MYOD1: variants seen among roughly 807,000 people sequenced by gnomAD.
The protein encoded by MYOD1 is myogenic differentiation 1.
Under a neutral mutation model 14.9 loss-of-function variants are expected in MYOD1, and 15 were observed. That is an observed-to-expected ratio of 1.01 (90% CI 0.67 to 1.55). The LOEUF (loss-of-function observed/expected upper bound fraction) is 1.55. MYOD1 is among the 40% of genes most tolerant of loss of function. MYOD1 has a pLI of 0.00. For missense variants in MYOD1, 529 were observed against 482.6 expected (o/e 1.10, Z -0.90); for synonymous variants, 235 against 218.6 (o/e 1.07, Z -0.66).
Position 17,720,373 on chromosome 11 carries a change from C to A in MYOD1, c.591C>A (p.Ser197=), listed in dbSNP as rs1253160160. 5 of 1,560,352 alleles carry A rather than the reference C, an allele frequency of 3.2e-6. No homozygotes were observed. The highest frequency in any genetic ancestry group is 4.3e-6 in the Non-Finnish European group (5 of 1,162,096). ...GRGGEHYSGD[S]DASSPRSNCS... ...GCGGCGAGCACTACAGCGGCGACTC[C>A]GACGCGTCCAGCCCGCGCTCCAACT... is the stretch of plus-strand genomic sequence containing the variant. Residue 197 remains serine, a synonymous_variant, in exon 1 of 3, where the codon TCC becomes TCA. Transcript: ENST00000250003.
rs968983957 is a variant in MYOD1 at position 17,719,608 on chromosome 11, C to G, written c.-175C>G. ...GCCCTGGGGCGCTGCCGCCGCTTTC[C>G]TTAACCACAAATCAGGCCGGACAGG... On this transcript the variant is annotated 5_prime_UTR_variant, in exon 1 of 3. Coordinates refer to ENST00000250003, the MANE Select transcript of MYOD1 (RefSeq NM_002478.5). 5 of 847,472 alleles carry G rather than the reference C, an allele frequency of 5.9e-6. No homozygotes were observed. Among genetic ancestry groups the G allele is most frequent in the Admixed American group, 6.1e-5 (2 of 32,550 alleles). The allele number at this position is 847,472 out of a possible 1,614,324, so 52.5% of individuals were successfully genotyped here. A position where few individuals can be genotyped will look rare whatever the true frequency, so the allele number is the denominator to read the frequency against.
intron 1 of MYOD1, among the ~76,000 whole-genome samples, chr11:17,720,694 G>T (rs577315763): frequency 7.2e-5 from 11 of 152,252 alleles, no homozygotes; most frequent in Non-Finnish European, 7.3e-5. Flanking sequence ...GTAAATTTGC[G>T]CCCCTTGGTG....
In MYOD1 at chr11:17,719,773, CCGCCAGG is replaced by C; in HGVS notation, c.-9_-3del. ...GCGAAGCCAGGACCGTGCCGCGCCA[CCGCCAGG>C]ATATGGAGCTACTGTCGCCACCGCT... On this transcript the variant is annotated 5_prime_UTR_variant, in exon 1 of 3. Coordinates refer to ENST00000250003, the MANE Select transcript of MYOD1 (RefSeq NM_002478.5). The C allele has an allele frequency of 2.5e-6, 4 of 1,607,714 alleles. No individual in the cohort carries two copies. The highest frequency in any genetic ancestry group is 3.4e-6 in the Non-Finnish European group (4 of 1,176,708).
At position 17,720,035 on chromosome 11, in the gene MYOD1, A is replaced by G. The variant is rs1590083996; in HGVS notation, c.253A>G (p.Ser85Gly). 1.3e-6 allele frequency: 2 copies of G among 1,581,260 alleles called. No individual in the cohort carries two copies. The highest frequency in any genetic ancestry group is 1.7e-6 in the Non-Finnish European group (2 of 1,164,022). The change falls in exon 1 of 3, where the codon AGC becomes GGC. Residue 85 changes from serine to glycine, a missense_variant. Transcript: ENST00000250003. ...TGAGGACGAGCATGTGCGCGCGCCC[A>G]GCGGGCACCACCAGGCGGGCCGCTG... ...AREDEHVRAPSGHHQAGRCLL... is the reference protein window; with the variant it reads ...AREDEHVRAPGGHHQAGRCLL...
chr11:17,721,928 T>G lies in MYOD1; in HGVS notation c.*420T>G. ...TAACCGTAACCCACCCCCAACCCGT[T>G]TCCCGGTTCAGGACCACTTTTTGTA... On this transcript the variant is annotated 3_prime_UTR_variant, in exon 3 of 3. Transcript: ENST00000250003. This position sits in a 1 kb window ranked among gnomAD's most constrained non-coding sequence, Gnocchi z 6.2. The G allele has an allele frequency of 2.4e-5, 6 of 252,788 alleles. No homozygotes were observed. Among genetic ancestry groups the G allele is most frequent in the Non-Finnish European group, 4.5e-5 (6 of 132,334 alleles). 15.7% of individuals were successfully genotyped at this position (252,788 alleles called of 1,614,324 possible).
Position 17,721,530 on chromosome 11 carries a change from G to T in MYOD1, c.*22G>T. On this transcript the variant is annotated 3_prime_UTR_variant, in exon 3 of 3. Coordinates refer to ENST00000250003, the MANE Select transcript of MYOD1 (RefSeq NM_002478.5). The surrounding 1 kb of genome is among the most constrained non-coding windows in gnomAD (Gnocchi z 6.2). ...CTGAGGGGATGGTGGCCGCCCACCC[G>T]CCCGAGGGATGGTGCCCCTAGGGTC... 2 of 1,497,584 alleles carry T rather than the reference G, an allele frequency of 1.3e-6. No homozygotes were observed. Among genetic ancestry groups the T allele is most frequent in the Non-Finnish European group, 1.8e-6 (2 of 1,129,386 alleles). The allele number at this position is 1,497,584 out of a possible 1,614,324, so 92.8% of individuals were successfully genotyped here. A position where few individuals can be genotyped will look rare whatever the true frequency, so the allele number is the denominator to read the frequency against.
chr11:17,722,122 C>A lies in MYOD1; in HGVS notation c.*614C>A, dbSNP rs118140038. 3.9e-3 allele frequency: 720 copies of A among 182,284 alleles called. 8 individuals carry two copies. Among genetic ancestry groups the A allele is most frequent in the East Asian group, 0.028 (311 of 11,124 alleles). 11.3% of individuals were successfully genotyped at this position (182,284 alleles called of 1,614,324 possible). On this transcript the variant is annotated 3_prime_UTR_variant, in exon 3 of 3. Coordinates refer to ENST00000250003, the MANE Select transcript of MYOD1 (RefSeq NM_002478.5). ...CGCTCAGGTGATCAAAATAAAGGCG[C>A]TAATTTATACCGCCGTGGCTCCGGC...
At position 17,721,118 on chromosome 11, in the gene MYOD1, T is replaced by C. The variant is rs553268835; in HGVS notation, c.710-137T>C. 7 of 1,419,090 alleles carry C rather than the reference T, an allele frequency of 4.9e-6. No homozygotes were observed. The highest frequency in any genetic ancestry group is 6.5e-6 in the Non-Finnish European group (7 of 1,072,848). 87.9% of individuals were successfully genotyped at this position (1,419,090 alleles called of 1,614,324 possible). A position where few individuals can be genotyped will look rare whatever the true frequency, so the allele number is the denominator to read the frequency against. On this transcript the variant is annotated intron_variant, in intron 2 of 2. Coordinates refer to ENST00000250003, the MANE Select transcript of MYOD1 (RefSeq NM_002478.5). The surrounding 1 kb of genome is among the most constrained non-coding windows in gnomAD (Gnocchi z 6.2). Reference sequence around the variant, plus strand: ...TGCAGGAGATGAAATACTAAGCAAGTAGCTCCCTGTCTTTTGGATTGTCCC... The same window carrying C: ...TGCAGGAGATGAAATACTAAGCAAGCAGCTCCCTGTCTTTTGGATTGTCCC...
chr11:17,720,327 G>A lies in MYOD1; in HGVS notation c.545G>A (p.Gly182Asp). 3 of 1,560,416 alleles carry A rather than the reference G, an allele frequency of 1.9e-6. No homozygotes were observed. The highest frequency in any genetic ancestry group is 2.6e-6 in the Non-Finnish European group (3 of 1,161,340). Residue 182 changes from glycine (G) to aspartate (D), a missense_variant, in exon 1 of 3, where the codon GGC (glycine) becomes GAC (aspartate). Gly to Asp is a moderately conservative substitution (Grantham distance 94). Transcript: ENST00000250003. ...GCCGCAGCCGCCTTCTATGCGCCGG[G>A]CCCGCTGCCCCCGGGCCGCGGCGGC... Reference protein sequence around the residue: ...PGAAAAFYAPGPLPPGRGGEH... With the variant: ...PGAAAAFYAPDPLPPGRGGEH...
In MYOD1 at chr11:17,721,693, C is replaced by A. The variant is rs1848640431; in HGVS notation, c.*185C>A. On this transcript the variant is annotated 3_prime_UTR_variant, in exon 3 of 3. Coordinates refer to ENST00000250003, the MANE Select transcript of MYOD1 (RefSeq NM_002478.5). This position sits in a 1 kb window ranked among gnomAD's most constrained non-coding sequence, Gnocchi z 6.2. ...GGGCAAGGACACAGCGCGGTTTTTT[C>A]CACGCAGCACCCTTCTCGGAGACCC... The A allele has an allele frequency of 3.3e-6, 2 of 597,472 alleles. No individual in the cohort carries two copies. The highest frequency in any genetic ancestry group is 2.0e-5 in the African/African-American group (1 of 51,238). 37.0% of individuals were successfully genotyped at this position (597,472 alleles called of 1,614,324 possible). A position where few individuals can be genotyped will look rare whatever the true frequency, so the allele number is the denominator to read the frequency against.
In MYOD1 at chr11:17,720,417, G is replaced by A. The variant is rs774941414; in HGVS notation, c.630+5G>A. On this transcript the variant is annotated splice_donor_5th_base_variant and intron_variant, in intron 1 of 2. Coordinates refer to ENST00000250003, the MANE Select transcript of MYOD1 (RefSeq NM_002478.5). Reference sequence around the variant, plus strand: ...TCCAACTGCTCCGACGGCATGGTAAGGCCGGGACCCCAGGAAGTGAGGAAG... The same window carrying A: ...TCCAACTGCTCCGACGGCATGGTAAAGCCGGGACCCCAGGAAGTGAGGAAG... 3.9e-6 allele frequency: 6 copies of A among 1,556,386 alleles called. No individual in the cohort carries two copies. The highest frequency in any genetic ancestry group is 1.2e-5 in the South Asian group (1 of 84,490).
chr11:17,720,351 G>T lies in MYOD1; in HGVS notation c.569G>T (p.Gly190Val). ...APGPLPPGRG[G>V]EHYSGDSDAS... is the part of the protein sequence containing the mutation. ...GGCCCGCTGCCCCCGGGCCGCGGCG[G>T]CGAGCACTACAGCGGCGACTCCGAC... Residue 190 changes from glycine (G) to valine (V), a missense_variant, in exon 1 of 3, where the codon GGC becomes GTC. By Grantham distance (109) the Gly-to-Val change is moderately radical. Coordinates refer to ENST00000250003, the MANE Select transcript of MYOD1 (RefSeq NM_002478.5). 6.5e-7 allele frequency: 1 copy of T among 1,539,056 alleles called. No homozygotes were observed. The highest frequency in any genetic ancestry group is 8.7e-7 in the Non-Finnish European group (1 of 1,152,482).
chr11:17,719,725 C>T lies in MYOD1; in HGVS notation c.-58C>T. On this transcript the variant is annotated 5_prime_UTR_variant, in exon 1 of 3. Transcript: ENST00000250003. ...GCTCCCGAGCGGCAGAAAGTTCCGG[C>T]CACTCTCTGCCGCTTGGGTTGGGCG... is the stretch of plus-strand genomic sequence containing the variant. The T allele has an allele frequency of 1.3e-6, 2 of 1,542,328 alleles. No individual in the cohort carries two copies. The highest frequency in any genetic ancestry group is 2.7e-5 in the African/African-American group (2 of 72,782).
In MYOD1 at chr11:17,719,945, G is replaced by A; in HGVS notation, c.163G>A (p.Ala55Thr). 4 of 1,613,672 alleles carry A rather than the reference G, an allele frequency of 2.5e-6. No individual in the cohort carries two copies. The highest frequency in any genetic ancestry group is 3.4e-6 in the Non-Finnish European group (4 of 1,179,950). ...GGACCCGCGCCTGATGCACGTGGGC[G>A]CGCTCCTGAAACCCGAAGAGCACTC... ...DLDPRLMHVG[A>T]LLKPEEHSHF... Residue 55 changes from alanine (A) to threonine (T), a missense_variant, in exon 1 of 3, where the codon GCG becomes ACG. By Grantham distance (58) the Ala-to-Thr change is moderately conservative. Transcript: ENST00000250003.
chr11:17,719,903 C>G lies in MYOD1; in HGVS notation c.121C>G (p.Arg41Gly). 1 of 1,613,964 alleles carries G rather than the reference C, an allele frequency of 6.2e-7. No homozygotes were observed. The highest frequency in any genetic ancestry group is 8.5e-7 in the Non-Finnish European group (1 of 1,179,994). The change falls in exon 1 of 3, where the codon CGC (arginine) becomes GGC (glycine). Residue 41 changes from arginine (R) to glycine (G), a missense_variant. Arg to Gly is a moderately radical substitution (Grantham distance 125). Transcript: ENST00000250003. ...CCCGTGTTTCGACTCCCCGGACCTG[C>G]GCTTCTTCGAAGACCTGGACCCGCG... Reference protein sequence around the residue: ...DDPCFDSPDLRFFEDLDPRLM... With the variant: ...DDPCFDSPDLGFFEDLDPRLM...
chr11:17,722,007 C>T lies in MYOD1; in HGVS notation c.*499C>T. 1 of 214,208 alleles carries T rather than the reference C, an allele frequency of 4.7e-6. No individual in the cohort carries two copies. Among genetic ancestry groups the T allele is most frequent in the South Asian group, 1.9e-4 (1 of 5,346 alleles). The allele number at this position is 214,208 out of a possible 1,614,324, so 13.3% of individuals were successfully genotyped here. A position where few individuals can be genotyped will look rare whatever the true frequency, so the allele number is the denominator to read the frequency against. On this transcript the variant is annotated 3_prime_UTR_variant, in exon 3 of 3. Transcript: ENST00000250003. ...AGAGTTGCTTTGCCAGAGCAGGAGCCCCTGGGGCTGTATTTATCTCTGAGG... is the reference window on the plus strand; with the variant it reads ...AGAGTTGCTTTGCCAGAGCAGGAGCTCCTGGGGCTGTATTTATCTCTGAGG...
chr11:17,721,583 T>C lies in MYOD1; in HGVS notation c.*75T>C, dbSNP rs1848639336. 1 of 1,455,230 alleles carries C rather than the reference T, an allele frequency of 6.9e-7. No homozygotes were observed. The highest frequency in any genetic ancestry group is 1.4e-5 in the African/African-American group (1 of 69,434). 90.1% of individuals were successfully genotyped at this position (1,455,230 alleles called of 1,614,324 possible). On this transcript the variant is annotated 3_prime_UTR_variant, in exon 3 of 3. Transcript: ENST00000250003. This position sits in a 1 kb window ranked among gnomAD's most constrained non-coding sequence, Gnocchi z 6.2. The stretch of plus-strand genomic sequence containing the variant: ...TCGCGCCCAAAAGATTGAACTTAAA[T>C]GCCCCCCTCCCAACAGCGCTTTAAA...
rs753973638 is a variant in MYOD1, at chr11:17,719,971, G to C, written c.189G>C (p.Ser63=). 1 of 1,612,380 alleles carries C rather than the reference G, an allele frequency of 6.2e-7. No individual in the cohort carries two copies. The highest frequency in any genetic ancestry group is 8.5e-7 in the Non-Finnish European group (1 of 1,179,560). Residue 63 remains serine (S), a synonymous_variant, in exon 1 of 3, where the codon TCG becomes TCC. Coordinates refer to ENST00000250003, the MANE Select transcript of MYOD1 (RefSeq NM_002478.5). ...CGCTCCTGAAACCCGAAGAGCACTC[G>C]CACTTCCCCGCGGCGGTGCACCCGG... The part of the protein sequence containing the change: ...VGALLKPEEH[S]HFPAAVHPAP...
Position 17,721,536 on chromosome 11 carries a change from G to A in MYOD1, c.*28G>A. On this transcript the variant is annotated 3_prime_UTR_variant, in exon 3 of 3. Transcript: ENST00000250003. This position sits in a 1 kb window ranked among gnomAD's most constrained non-coding sequence, Gnocchi z 6.2. The stretch of plus-strand genomic sequence containing the variant: ...GGATGGTGGCCGCCCACCCGCCCGA[G>A]GGATGGTGCCCCTAGGGTCCCTCGC... The A allele has an allele frequency of 6.7e-7, 1 of 1,497,128 alleles. No individual in the cohort carries two copies. Among genetic ancestry groups the A allele is most frequent in the Non-Finnish European group, 8.9e-7 (1 of 1,129,278 alleles). The allele number at this position is 1,497,128 out of a possible 1,614,324, so 92.7% of individuals were successfully genotyped here.
Sources: gnomAD v4.1 joint callset for allele counts (sites outside exome capture counted in the v4.1 genomes callset) on GRCh38, gnomAD v4.1.1 for gene constraint, Gnocchi (gnomAD v3.1) non-coding constraint, MANE v1.5 for transcripts, NCBI Gene and HGNC (gene_info 2026-07-23, HGNC 2026-07-21) for gene names.